Variants in ITPR1 observed in about 807,000 individuals in gnomAD.
The protein encoded by ITPR1 is inositol 1,4,5-trisphosphate receptor type 1, also known as inositol 1,4,5-trisphosphate-gated calcium channel ITPR1.
Under a neutral mutation model 318.4 loss-of-function variants are expected in ITPR1, and 96 were observed. The ratio of observed to expected loss-of-function variants is 0.30; its 90% CI spans 0.26 to 0.36. ITPR1 has a LOEUF of 0.36. Ranked by LOEUF, ITPR1 falls within the 10% of genes least tolerant of loss-of-function variation. The pLI is 1.00. For synonymous variants in ITPR1, 1,312 were observed against 1,289.9 expected, an observed-to-expected ratio of 1.02 and a Z score of -0.37; for missense variants, 2,440 against 3,460.2, an observed-to-expected ratio of 0.71 and a Z score of 7.40.
rs753539402 is a variant in ITPR1 at position 4,662,165 on chromosome 3, T to A, written c.1335T>A (p.Phe445Leu). The A allele has an allele frequency of 6.2e-7, 1 of 1,613,616 alleles. No individual in the cohort carries two copies. ...VSPAEVRDLD[F>L]ANDASKVLGS... ...CTGCTGAAGTTCGGGACCTGGACTT[T>A]GCCAATGATGCCAGCAAGGTGCTGG... Residue 445 changes from phenylalanine to leucine, a missense_variant, in exon 15 of 62, where the codon TTT becomes TTA. Transcript: ENST00000649015.
At chr3:4,678,151 A>G (rs2094221906) in intron 24 of ITPR1, among the ~76,000 whole-genome samples, 1 of 152,174 alleles carries the variant, frequency 6.6e-6, no homozygotes, top group Non-Finnish European at 1.5e-5. Context: ...CAATGCTTTG[A>G]AAGTTTTAAT....
At chr3:4,781,595 A>G (rs897644241) in intron 49 of ITPR1, among the ~76,000 whole-genome samples, 1 of 152,212 alleles carries the variant, frequency 6.6e-6, no homozygotes, top group South Asian at 2.1e-4. Context: ...GCGGCTGTGA[A>G]GGGTAATAGG....
At chr3:4,496,283 C>T (rs304071) in intron 2 of ITPR1, among the ~76,000 whole-genome samples, 100,818 of 152,076 alleles carry the variant, frequency 0.66, 33,838 homozygotes, top group East Asian at 0.79. Flanking sequence ...GTTGTGCAGA[C>T]GTTTTTGTTC....
chr3:4,513,676 C>T (rs2081991868), intron 2 of ITPR1, among the ~76,000 whole-genome samples: 1 of 152,118 alleles, frequency 6.6e-6, no homozygotes, highest in South Asian at 2.1e-4. Context: ...AATTAGAAAA[C>T]AGAATTGTGC....
chr3:4,589,648 T>G (rs1414268120), intron 4 of ITPR1, among the ~76,000 whole-genome samples: 1 of 152,058 alleles, frequency 6.6e-6, no homozygotes, highest in Admixed American at 6.5e-5. Flanking sequence ...GTGGTCCTTA[T>G]AAAGCCATTT....
At chr3:4,660,862 C>T (rs1018928692) in intron 13 of ITPR1, 126 bp from the exon 14 acceptor site, 1 of 429,084 alleles carries the variant, frequency 2.3e-6, no homozygotes, top group Admixed American at 4.0e-5. Context: ...TTCGTGTATA[C>T]TGCCCAGTGT....
chr3:4,655,520 G>A (rs927058035), intron 12 of ITPR1, among the ~76,000 whole-genome samples: 4 of 152,148 alleles, frequency 2.6e-5, no homozygotes, highest in South Asian at 2.1e-4. Flanking sequence ...CATTTTTCAG[G>A]TTCTCCCAGA....
chr3:4,768,983 T>C (rs755252040), intron 46 of ITPR1, among the ~76,000 whole-genome samples: 6 of 151,998 alleles, frequency 3.9e-5, no homozygotes, highest in Admixed American at 2.0e-4. Context: ...GATCTTGGCT[T>C]ACTCCAACCT....
chr3:4,640,584 A>T (rs993674929), intron 6 of ITPR1, among the ~76,000 whole-genome samples: 3 of 152,216 alleles, frequency 2.0e-5, no homozygotes, highest in African/African-American at 4.8e-5. Flanking sequence ...TATGGCTTGA[A>T]ATGAAGATGA....
chr3:4,529,523 A>G (rs1373816522), intron 4 of ITPR1, among the ~76,000 whole-genome samples: 1 of 152,198 alleles, frequency 6.6e-6, no homozygotes, highest in East Asian at 1.9e-4. Flanking sequence ...GTGGTGAATC[A>G]CTTGAGCTTA....
In ITPR1 at chr3:4,697,279, C is replaced by T. The variant is rs886042210; in HGVS notation, c.4407+7C>T. On this transcript the variant is annotated splice_region_variant and intron_variant, in intron 34 of 61. Transcript: ENST00000649015. ...CCTTGTAGACATCTGCAGGGTAAGG[C>T]TTTTGGAACTGAGGAGGCAGAGTTG... 11 of 1,547,768 alleles carry T rather than the reference C, an allele frequency of 7.1e-6. No homozygotes were observed. In the South Asian group the frequency reaches 1.3e-4, roughly 18 times the overall value.
chr3:4,596,058 C>T (rs2090785684), intron 4 of ITPR1: 1 of 152,086 alleles, frequency 6.6e-6, no homozygotes, highest in Non-Finnish European at 1.5e-5. Flanking sequence ...CTGTGAATAC[C>T]AGCAGCGGTT....
chr3:4,584,559 G>GT lies in ITPR1; in HGVS notation c.164-43191dup, dbSNP rs5846327. 6.9e-4 allele frequency among the ~76,000 whole-genome samples: 100 copies of GT among 145,220 alleles called. 1 individual carries two copies. The highest frequency in any genetic ancestry group is 2.0e-3 in the African/African-American group (78 of 39,710). ...CTCTCTTTGCCCAGAGAGTTAGTGGGTTTTTTTTTTTTTGTGAAAGGAAGT... is the reference window on the plus strand; with the variant it reads ...CTCTCTTTGCCCAGAGAGTTAGTGGGTTTTTTTTTTTTTTGTGAAAGGAAGT... On this transcript the variant is annotated intron_variant, in intron 4 of 61. Transcript: ENST00000649015.
chr3:4,676,854 C>T, intron 24 of ITPR1, 53 bp downstream of exon 24: 1 of 1,382,460 alleles, frequency 7.2e-7, no homozygotes, highest in African/African-American at 1.4e-5. Flanking sequence ...AGGCGCCATT[C>T]AGATCCAGTC....
intron 4 of ITPR1, among the ~76,000 whole-genome samples, chr3:4,600,403 C>T (rs1279859197): frequency 6.6e-6 from 1 of 151,984 alleles, no homozygotes; most frequent in African/African-American, 2.4e-5. Flanking sequence ...GGTGGTCTTG[C>T]TGGGGATACT....
rs184669730 is a variant in ITPR1 at position 4,758,693 on chromosome 3, C to T, written c.5545-7837C>T. Among the ~76,000 whole-genome samples the T allele has an allele frequency of 3.4e-3, 521 of 152,096 alleles. 1 individual carries two copies. Among genetic ancestry groups the T allele is most frequent in the Admixed American group, 5.8e-3 (89 of 15,274 alleles). On this transcript the variant is annotated intron_variant, in intron 44 of 61. Coordinates refer to ENST00000649015, the MANE Select transcript of ITPR1 (RefSeq NM_001378452.1). ...TTGCACCTAAAGAAAGGAGTGTCCC[C>T]CTTTGAACTAGGTAATAAAACACAC...
intron 60 of ITPR1, 110 bp from the exon 61 acceptor site, chr3:4,836,664 C>T: frequency 1.8e-6 from 2 of 1,089,400 alleles, no homozygotes. Flanking sequence ...AAGGAGATAA[C>T]CTAATGAGAG....
At chr3:4,525,356 A>G (rs773479468) in intron 4 of ITPR1, among the ~76,000 whole-genome samples, 9 of 152,334 alleles carry the variant, frequency 5.9e-5, no homozygotes, top group African/African-American at 2.2e-4. Flanking sequence ...GAAGAGTTCA[A>G]CATCGAACAG....
intron 60 of ITPR1, among the ~76,000 whole-genome samples, chr3:4,827,687 G>A (rs2050167324): frequency 6.6e-6 from 1 of 152,146 alleles, no homozygotes; most frequent in African/African-American, 2.4e-5. Context: ...ATTCCAATAA[G>A]CAACATTCAG....
Sources: allele counts gnomAD v4.1 joint callset (sites outside exome capture counted in the v4.1 genomes callset), GRCh38; gene constraint gnomAD v4.1.1; transcripts MANE v1.5; gene names NCBI Gene and HGNC (gene_info 2026-07-23, HGNC 2026-07-21).